The following PIK3C2G variants were observed in gnomAD, a reference collection of about 807,000 sequenced individuals.
The protein encoded by PIK3C2G is phosphatidylinositol-4-phosphate 3-kinase catalytic subunit type 2 gamma.
A neutral mutation model predicts 181.1 loss-of-function variants in PIK3C2G; 168 were observed. The observed-to-expected ratio is 0.93, with a 90% CI of 0.82 to 1.05. PIK3C2G has a LOEUF of 1.05. PIK3C2G is among the 50% of genes least tolerant of loss of function. PIK3C2G has a pLI of 0.00. For missense variants in PIK3C2G, 1,869 were observed against 1,732.8 expected, an observed-to-expected ratio of 1.08 and a Z score of -1.40; for synonymous variants, 573 against 592.2, an observed-to-expected ratio of 0.97 and a Z score of 0.47.
intron 29 of PIK3C2G, among the ~76,000 whole-genome samples, chr12:18,590,642 T>G (rs955231745): frequency 6.6e-6 from 1 of 151,942 alleles, no homozygotes; most frequent in Non-Finnish European, 1.5e-5. Flanking sequence ...GACTATCTAT[T>G]GGTGCAATGT....
chr12:18,454,332 T>G (rs4378446), intron 18 of PIK3C2G, among the ~76,000 whole-genome samples: 68,173 of 151,912 alleles, frequency 0.45, 15,800 homozygotes, highest in East Asian at 0.66. Flanking sequence ...TTTAGATAAA[T>G]CACCTGGGGA....
chr12:18,693,638 G>T, the PIK3C2G span: 1 of 1,564,686 alleles, frequency 6.4e-7, no homozygotes, highest in Non-Finnish European at 8.8e-7. Flanking sequence ...TGATGAAATT[G>T]ACGCCATTGG....
In PIK3C2G at chr12:18,307,263, G is replaced by A. The variant is rs540382194; in HGVS notation, c.1035-6699G>A. 8.6e-5 allele frequency among the ~76,000 whole-genome samples: 13 copies of A among 151,546 alleles called. 1 individual carries two copies. The South Asian group carries it at 2.7e-3, about 31-fold the overall frequency. On this transcript the variant is annotated intron_variant, in intron 5 of 32. Transcript: ENST00000538779. ...TCTTAGTGTTCATCTTAAATGACAA[G>A]TATACTCATAATAGTTCCTAAGATA...
intron 18 of PIK3C2G, among the ~76,000 whole-genome samples, chr12:18,487,121 T>TGTGTGTGTGC (rs1565439798): frequency 6.6e-6 from 1 of 151,746 alleles, no homozygotes; most frequent in Admixed American, 6.6e-5. Flanking sequence ...TGTGTGTGTG[T>TGTGTGTGTGC]GTGTGTGTGT....
intron 11 of PIK3C2G, among the ~76,000 whole-genome samples, chr12:18,349,782 T>G (rs1038458126): frequency 2.0e-5 from 3 of 152,162 alleles, no homozygotes; most frequent in Non-Finnish European, 4.4e-5. Context: ...CTCCCCCAAG[T>G]CCTTTTACAA....
upstream of PIK3C2G, among the ~76,000 whole-genome samples, chr12:18,245,112 C>G (rs1948026084): frequency 1.3e-5 from 2 of 152,120 alleles, no homozygotes; most frequent in Non-Finnish European, 2.9e-5. Flanking sequence ...GCATCTGTAT[C>G]TTAGAAGCCT....
chr12:18,503,446 A>C (rs1288750884), intron 23 of PIK3C2G, 29 bp downstream of exon 23: 5 of 1,495,220 alleles, frequency 3.3e-6, no homozygotes, highest in Non-Finnish European at 4.5e-6. Context: ...CATTTTAAAT[A>C]ATGTACTTAA....
chr12:18,688,314 G>T, the PIK3C2G span: 2 of 1,312,550 alleles, frequency 1.5e-6, no homozygotes, highest in African/African-American at 3.0e-5. Context: ...AAAGTTGATG[G>T]ACTCTAAGTC....
chr12:18,381,152 T>C (rs976342027), intron 13 of PIK3C2G, among the ~76,000 whole-genome samples: 2 of 152,218 alleles, frequency 1.3e-5, no homozygotes, highest in Non-Finnish European at 2.9e-5. Context: ...GCCTTTCCTG[T>C]ATGCACTCTC....
the PIK3C2G span, among the ~76,000 whole-genome samples, chr12:18,679,491 T>C: frequency 6.6e-6 from 1 of 152,008 alleles, no homozygotes; most frequent in Non-Finnish European, 1.5e-5. Context: ...GTGACAACAT[T>C]CATTTTTTCC....
At chr12:18,278,804 C>T (rs11043999) in intron 1 of PIK3C2G, among the ~76,000 whole-genome samples, 9,080 of 152,070 alleles carry the variant, frequency 0.06, 400 homozygotes, top group Non-Finnish European at 0.093. Context: ...CTAAGAAATA[C>T]TGTAGCTTCT....
At chr12:18,467,148 G>A (rs1337015086) in intron 18 of PIK3C2G, among the ~76,000 whole-genome samples, 1 of 151,994 alleles carries the variant, frequency 6.6e-6, no homozygotes, top group Non-Finnish European at 1.5e-5. Flanking sequence ...CAAATAATTT[G>A]ATACTGTTAA....
At chr12:18,591,939 G>A (rs1032724870) in intron 29 of PIK3C2G, among the ~76,000 whole-genome samples, 2 of 151,928 alleles carry the variant, frequency 1.3e-5, no homozygotes, top group East Asian at 1.9e-4. Context: ...AGGTACAATC[G>A]ACAGGATTTA....
chr12:18,255,216 A>AAAATTAAATAAAT (rs1948132511), intron 1 of PIK3C2G, among the ~76,000 whole-genome samples: 1 of 131,858 alleles, frequency 7.6e-6, no homozygotes, highest in Non-Finnish European at 1.6e-5. Flanking sequence ...CTCCGTCTCA[A>AAAATTAAATAAAT]AAATAAATAA....
chr12:18,290,950 C>G lies in PIK3C2G; in HGVS notation c.857C>G (p.Thr286Ser), dbSNP rs1434581644. 3 of 1,592,078 alleles carry G rather than the reference C, an allele frequency of 1.9e-6. No homozygotes were observed. The highest frequency in any genetic ancestry group is 3.3e-4 in the Middle Eastern group (2 of 6,018). ...TAFPYQLFSK[T>S]KFNIHIFIDN... ...TTTCCGTATCAGCTCTTTTCTAAGA[C>G]CAAGTTTAATATACATATTTTTATT... The change falls in exon 4 of 33, where the codon ACC becomes AGC. Residue 286 changes from threonine to serine, a missense_variant. Physicochemically the swap from Thr to Ser is moderately conservative, Grantham distance 58. Coordinates refer to ENST00000538779, the MANE Select transcript of PIK3C2G (RefSeq NM_001288772.2).
At chr12:18,457,020 AATGGTG>A (rs1324215196) in intron 18 of PIK3C2G, among the ~76,000 whole-genome samples, 2 of 152,158 alleles carry the variant, frequency 1.3e-5, no homozygotes, top group African/African-American at 2.4e-5. Flanking sequence ...CATCAAAAAA[AATGGTG>A]ACTTTCAAAG....
intron 29 of PIK3C2G, among the ~76,000 whole-genome samples, chr12:18,574,732 C>G (rs948784650): frequency 6.6e-6 from 1 of 152,148 alleles, no homozygotes; most frequent in East Asian, 1.9e-4. Context: ...AGTAGGAAAA[C>G]AGCTAACCCC....
At chr12:18,702,970 T>C in the PIK3C2G span, among the ~76,000 whole-genome samples, 3 of 151,832 alleles carry the variant, frequency 2.0e-5, no homozygotes, top group Admixed American at 2.0e-4. Flanking sequence ...ACAGGGTAAC[T>C]TTAATTCTTT....
At chr12:18,591,505 G>A (rs1947078116) in intron 29 of PIK3C2G, among the ~76,000 whole-genome samples, 1 of 151,804 alleles carries the variant, frequency 6.6e-6, no homozygotes, top group Admixed American at 6.6e-5. Flanking sequence ...GATAGGGGCA[G>A]AAAAGAAAGA....
Sources: gnomAD v4.1 joint callset for allele counts (sites outside exome capture counted in the v4.1 genomes callset) on GRCh38, gnomAD v4.1.1 for gene constraint, MANE v1.5 for transcripts, NCBI Gene and HGNC (gene_info 2026-07-23, HGNC 2026-07-21) for gene names.